Variants in CCDC148 observed in about 807,000 individuals in gnomAD.
The protein encoded by CCDC148 is coiled-coil domain containing 148, also known as coiled-coil domain-containing protein 148.
CCDC148 carries 89 observed loss-of-function variants against 85.7 expected under a neutral mutation model. The observed-to-expected ratio is 1.04, with a 90% CI of 0.87 to 1.24. CCDC148 has a LOEUF of 1.24. Ranked by LOEUF, CCDC148 falls within the 50% of genes most tolerant of loss-of-function variation. The pLI, the probability that CCDC148 is intolerant of heterozygous loss-of-function variation, is 0.00. For missense variants in CCDC148, 692 were observed against 671.7 expected (o/e 1.03, Z -0.33); for synonymous variants, 230 against 213.9 (o/e 1.08, Z -0.66).
chr2:158,189,830 C>T (rs1361034428), intron 11 of CCDC148, among the ~76,000 whole-genome samples: 1 of 151,926 alleles, frequency 6.6e-6, no homozygotes, highest in Non-Finnish European at 1.5e-5. Context: ...AGTCTAGTGG[C>T]TATGACTTAA....
At chr2:158,181,855 G>A (rs1267991136) in intron 11 of CCDC148, among the ~76,000 whole-genome samples, 1 of 151,886 alleles carries the variant, frequency 6.6e-6, no homozygotes, top group African/African-American at 2.4e-5. Context: ...AGAAGTATCT[G>A]CTGTGATATG....
At chr2:158,317,268 T>C (rs1036046065) in intron 7 of CCDC148, among the ~76,000 whole-genome samples, 8 of 152,246 alleles carry the variant, frequency 5.3e-5, no homozygotes, top group African/African-American at 1.7e-4. Flanking sequence ...TTTTTGTCCG[T>C]CTAAACTTTC....
chr2:158,240,452 T>TCTCTCTCACACACACACACACA (rs941238898), intron 10 of CCDC148, among the ~76,000 whole-genome samples: 14 of 120,546 alleles, frequency 1.2e-4, no homozygotes, highest in Admixed American at 4.5e-4. Context: ...TCTCTCTCTC[T>TCTCTCTCACACACACACACACA]CACACACACA....
chr2:158,369,119 C>A (rs1051608562), intron 1 of CCDC148, among the ~76,000 whole-genome samples: 3 of 151,652 alleles, frequency 2.0e-5, no homozygotes, highest in African/African-American at 7.3e-5. Flanking sequence ...AAAAACAATA[C>A]CAATATGTAG....
At chr2:158,405,709 T>G (rs1685969039) in intron 1 of CCDC148, among the ~76,000 whole-genome samples, 2 of 152,152 alleles carry the variant, frequency 1.3e-5, no homozygotes, top group Admixed American at 1.3e-4. Flanking sequence ...GTTTCAAAAT[T>G]CCTCATATAA....
At chr2:158,358,395 C>T in intron 2 of CCDC148, 54 bp downstream of exon 2, 1 of 1,575,514 alleles carries the variant, frequency 6.3e-7, no homozygotes, top group Non-Finnish European at 8.6e-7. Context: ...TAAATACTTT[C>T]CAGCAATTCG....
chr2:158,450,825 G>A (rs550220607), intron 1 of CCDC148, among the ~76,000 whole-genome samples: 9 of 152,220 alleles, frequency 5.9e-5, no homozygotes, highest in African/African-American at 2.2e-4. Context: ...TGTCTTTGAT[G>A]TGTGGATTAA....
At chr2:158,334,408 C>T (rs1693314188) in intron 7 of CCDC148, among the ~76,000 whole-genome samples, 1 of 92,042 alleles carries the variant, frequency 1.1e-5, no homozygotes, top group Admixed American at 9.6e-5. Context: ...AAGCAAGTGG[C>T]AACTATGTTT....
intron 11 of CCDC148, among the ~76,000 whole-genome samples, chr2:158,209,154 G>A (rs955526087): frequency 5.3e-5 from 8 of 150,686 alleles, no homozygotes; most frequent in African/African-American, 2.0e-4. Context: ...TTTTTTTCAG[G>A]GGTAGTCCCC....
At chr2:158,398,835 G>C (rs1685644917) in intron 1 of CCDC148, among the ~76,000 whole-genome samples, 1 of 152,072 alleles carries the variant, frequency 6.6e-6, no homozygotes, top group Admixed American at 6.6e-5. Context: ...ATGAATCCAG[G>C]AGCTGGTTTT....
chr2:158,456,138 G>C (rs1056153457), intron 1 of CCDC148, among the ~76,000 whole-genome samples: 7 of 152,180 alleles, frequency 4.6e-5, no homozygotes, highest in African/African-American at 1.7e-4. Context: ...AGGGAGATTA[G>C]AGGTTTGCTT....
intron 1 of CCDC148, among the ~76,000 whole-genome samples, chr2:158,414,569 C>T (rs942516112): frequency 2.1e-5 from 2 of 96,210 alleles, no homozygotes; most frequent in Non-Finnish European, 4.9e-5. Flanking sequence ...TACCCTAAAA[C>T]TTAAAAGTAT....
rs189709655 is a variant in CCDC148, at chr2:158,329,949, G to A, written c.764+8777C>T. 3.0e-3 allele frequency among the ~76,000 whole-genome samples: 459 copies of A among 152,326 alleles called. 2 individuals are homozygous for A. The highest frequency in any genetic ancestry group is 0.01 in the African/African-American group (430 of 41,560). On this transcript the variant is annotated intron_variant, in intron 7 of 13. Coordinates refer to ENST00000283233, the MANE Select transcript of CCDC148 (RefSeq NM_138803.4). Reference sequence around the variant, plus strand: ...TTTCTAGATATAAAATATGTCATCTGCAAACAGGGACAATTTGACTTCCTC... The same window carrying A: ...TTTCTAGATATAAAATATGTCATCTACAAACAGGGACAATTTGACTTCCTC...
chr2:158,300,945 C>T (rs1691411164), intron 9 of CCDC148, among the ~76,000 whole-genome samples: 1 of 152,190 alleles, frequency 6.6e-6, no homozygotes, highest in Admixed American at 6.5e-5. Context: ...ACCTTGAACT[C>T]CTGGCCTCAA....
At chr2:158,256,168 G>T (rs1689002576) in intron 9 of CCDC148, among the ~76,000 whole-genome samples, 1 of 151,730 alleles carries the variant, frequency 6.6e-6, no homozygotes, top group Non-Finnish European at 1.5e-5. Context: ...TTACATCAAA[G>T]TTGAGAGCTT....
intron 9 of CCDC148, among the ~76,000 whole-genome samples, chr2:158,266,954 A>G (rs535022735): frequency 6.7e-5 from 10 of 149,502 alleles, no homozygotes; most frequent in South Asian, 2.1e-4. Flanking sequence ...GTGTGTGTGT[A>G]TATATATATA....
rs773483422 is a variant in CCDC148, at chr2:158,178,973, A to G, written c.1394T>C (p.Leu465Ser). 1 of 1,613,214 alleles carries G rather than the reference A, an allele frequency of 6.2e-7. No individual in the cohort carries two copies. The highest frequency in any genetic ancestry group is 8.5e-7 in the Non-Finnish European group (1 of 1,179,524). The stretch of plus-strand genomic sequence containing the variant: ...CTTTTTCTCCATCAAACGCCTTTCC[A>G]ATAATTCTTGTCTATATTTAACCCT... The part of the protein sequence containing the change: ...RERVKYRQEL[L>S]ERRLMEKKEV... The change falls in exon 12 of 14, where the codon TTG becomes TCG. Residue 465 changes from leucine (L) to serine (S), a missense_variant. By Grantham distance (145) the Leu-to-Ser change is moderately radical. Coordinates refer to ENST00000283233, the MANE Select transcript of CCDC148 (RefSeq NM_138803.4).
chr2:158,217,006 A>G (rs1686897390), intron 11 of CCDC148, among the ~76,000 whole-genome samples: 1 of 152,122 alleles, frequency 6.6e-6, no homozygotes, highest in African/African-American at 2.4e-5. Context: ...ACAGCTATAA[A>G]GGATAGAGCC....
intron 1 of CCDC148, among the ~76,000 whole-genome samples, chr2:158,419,585 T>C (rs1450073403): frequency 6.6e-6 from 1 of 152,196 alleles, no homozygotes; most frequent in Non-Finnish European, 1.5e-5. Flanking sequence ...TAGTAATGTT[T>C]GTATGCTTGT....
Sources: gnomAD v4.1 joint callset for allele counts (sites outside exome capture counted in the v4.1 genomes callset) on GRCh38, gnomAD v4.1.1 for gene constraint, MANE v1.5 for transcripts, NCBI Gene and HGNC (gene_info 2026-07-23, HGNC 2026-07-21) for gene names.